The following SSH1 variants were observed in gnomAD, a reference collection of about 807,000 sequenced individuals.
SSH1 encodes protein phosphatase Slingshot homolog 1.
SSH1 carries 43 observed loss-of-function variants against 79.7 expected under a neutral mutation model. The ratio of observed to expected loss-of-function variants is 0.54; its 90% CI spans 0.42 to 0.70. The LOEUF is 0.70. Ranked by LOEUF, SSH1 falls within the 30% of genes least tolerant of loss-of-function variation. The pLI is 0.00. For missense variants in SSH1, 1,206 were observed against 1,358.8 expected, an observed-to-expected ratio of 0.89 and a Z score of 1.77; for synonymous variants, 599 against 538.3, an observed-to-expected ratio of 1.11 and a Z score of -1.56.
intron 2 of SSH1, chr12:108,833,827 C>T (rs2038531858): frequency 6.6e-6 from 1 of 152,224 alleles, no homozygotes. Context: ...GTTTAATTAG[C>T]TACATGAGGC....
intron 2 of SSH1, among the ~76,000 whole-genome samples, chr12:108,843,264 G>A (rs2038821264): frequency 6.6e-6 from 1 of 152,112 alleles, no homozygotes; most frequent in Non-Finnish European, 1.5e-5. Flanking sequence ...CGGAGGCAAC[G>A]GTGGGAAGAA....
chr12:108,810,436 C>G (rs565948315), intron 6 of SSH1, among the ~76,000 whole-genome samples: 50 of 152,016 alleles, frequency 3.3e-4, no homozygotes, highest in Non-Finnish European at 6.2e-4. Flanking sequence ...GCAGGAGAAT[C>G]ACTTGAACCC....
chr12:108,793,980 A>C (rs1315428917), intron 13 of SSH1, among the ~76,000 whole-genome samples: 1 of 152,206 alleles, frequency 6.6e-6, no homozygotes, highest in African/African-American at 2.4e-5. Flanking sequence ...TGGCAGGCTC[A>C]GGGAGAGGTC....
intron 2 of SSH1, among the ~76,000 whole-genome samples, chr12:108,829,511 G>A (rs1437014418): frequency 6.6e-6 from 1 of 152,318 alleles, no homozygotes; most frequent in South Asian, 2.1e-4. Context: ...CACAGGGTAA[G>A]CCAAGCCAGC....
At position 108,788,397 on chromosome 12, in the gene SSH1, T is replaced by C. The variant is rs1215687851; in HGVS notation, c.2741A>G (p.Asp914Gly). The C allele has an allele frequency of 4.3e-6, 7 of 1,611,088 alleles. No individual in the cohort carries two copies. In the Admixed American group the frequency reaches 1.2e-4, roughly 27 times the overall value. ...GGTGTAGCAGATGGTCTTCAGAAAG[T>C]CTTTTGAGAAACTACTGGTGTGGTC... ...RLDHTSSFSK[D>G]FLKTICYTPT... is the part of the protein sequence containing the mutation. The change falls in exon 15 of 15, where the codon GAC (aspartate) becomes GGC (glycine). Residue 914 changes from aspartate to glycine, a missense_variant. Around this residue, in one of 5 missense-constraint regions of SSH1, gnomAD observed 709 missense variants for 730.6 expected, o/e 0.97. Coordinates refer to ENST00000326495, the MANE Select transcript of SSH1 (RefSeq NM_018984.4).
chr12:108,839,861 CTGG>C (rs1250207759), intron 2 of SSH1, among the ~76,000 whole-genome samples: 4 of 152,200 alleles, frequency 2.6e-5, no homozygotes, highest in African/African-American at 9.6e-5. Context: ...GCAGGAAGGG[CTGG>C]CACTGAAAAT....
intron 14 of SSH1, among the ~76,000 whole-genome samples, chr12:108,791,177 T>G (rs763138404): frequency 2.6e-5 from 4 of 152,224 alleles, no homozygotes; most frequent in African/African-American, 9.6e-5. Context: ...TGGCACGAAC[T>G]TGACTCACTG....
chr12:108,813,906 C>T (rs1344527362), intron 5 of SSH1, among the ~76,000 whole-genome samples: 1 of 151,990 alleles, frequency 6.6e-6, no homozygotes, highest in Non-Finnish European at 1.5e-5. Context: ...CTCTGGTCTT[C>T]CCAGGATGCG....
rs748637885 is a variant in SSH1, at chr12:108,811,239, C to CT, written c.470+20dup. The CT allele has an allele frequency of 1.9e-6, 3 of 1,613,026 alleles. No individual in the cohort carries two copies. In the African/African-American group the frequency reaches 4.0e-5, roughly 22 times the overall value. ...TGCCTACTACATACAGTGAGAGAAT[C>CT]TTTTAAAGAGACCTCCTTACCCATC... On this transcript the variant is annotated intron_variant, in intron 6 of 14. Transcript: ENST00000326495.
chr12:108,838,249 C>T (rs140419453), intron 2 of SSH1, among the ~76,000 whole-genome samples: 36 of 152,278 alleles, frequency 2.4e-4, no homozygotes, highest in African/African-American at 8.7e-4. Context: ...CATAGTTTTA[C>T]CCTCACCAAG....
intron 6 of SSH1, 144 bp downstream of exon 6, chr12:108,811,116 G>A (rs1037140716): frequency 7.7e-6 from 6 of 782,054 alleles, no homozygotes; most frequent in South Asian, 2.9e-5. Flanking sequence ...CCTCTCACTC[G>A]AGGGCAATAT....
rs1456576925 is a variant in SSH1 at position 108,781,487 on chromosome 12, A to G, written c.*6501T>C. 6.6e-6 allele frequency: 1 copy of G among 152,240 alleles called. No individual in the cohort carries two copies. The highest frequency in any genetic ancestry group is 1.5e-5 in the Non-Finnish European group (1 of 68,050). The allele number at this position is 152,240 out of a possible 1,614,324, so 9.4% of individuals were successfully genotyped here. On this transcript the variant is annotated 3_prime_UTR_variant, in exon 15 of 15. Transcript: ENST00000326495. ...GCTTGATGATTATAATTCTTTTGGT[A>G]AAGTAATAAACTTGCATTCTGGTTT...
intron 2 of SSH1, among the ~76,000 whole-genome samples, chr12:108,833,354 G>C (rs994091624): frequency 6.6e-6 from 1 of 152,178 alleles, no homozygotes; most frequent in Non-Finnish European, 1.5e-5. Flanking sequence ...AGGCTGCACT[G>C]TGCGGGAAAT....
rs1565971544 is a variant in SSH1 at position 108,792,824 on chromosome 12, T to C, written c.1355A>G (p.Gln452Arg). Residue 452 changes from glutamine to arginine, a missense_variant, in exon 14 of 15, where the codon CAG (glutamine) becomes CGG (arginine). By Grantham distance (43) the Gln-to-Arg change is conservative. Transcript: ENST00000326495. ...CTGACGCCACAGCTTGTTGTGCCGC[T>C]GTTTGCTGCGGGGAGAGAGGGTAGA... ...EYEGILDASK[Q>R]RHNKLWRQQT... 1 of 1,613,472 alleles carries C rather than the reference T, an allele frequency of 6.2e-7. No homozygotes were observed. The highest frequency in any genetic ancestry group is 8.5e-7 in the Non-Finnish European group (1 of 1,180,020).
chr12:108,834,900 C>T (rs1243077744), intron 2 of SSH1, among the ~76,000 whole-genome samples: 1 of 152,192 alleles, frequency 6.6e-6, no homozygotes, highest in African/African-American at 2.4e-5. Context: ...AGTCAGTATT[C>T]CAGGAGTAAC....
intron 13 of SSH1, among the ~76,000 whole-genome samples, chr12:108,798,105 C>T (rs910549489): frequency 2.6e-5 from 4 of 152,252 alleles, no homozygotes; most frequent in East Asian, 1.9e-4. Context: ...TTCCTCCACT[C>T]GCTCACCCCA....
intron 5 of SSH1, among the ~76,000 whole-genome samples, chr12:108,814,223 T>C (rs2137132888): frequency 6.6e-6 from 1 of 152,048 alleles, no homozygotes; most frequent in East Asian, 1.9e-4. Flanking sequence ...GACCCCATCT[T>C]AAAAACAAAA....
At chr12:108,827,172 A>G (rs2038342475) in intron 2 of SSH1, 1 of 1,331,742 alleles carries the variant, frequency 7.5e-7, no homozygotes, top group African/African-American at 1.5e-5. Context: ...ATGCTCCTCA[A>G]AAAACCCCAG....
intron 11 of SSH1, among the ~76,000 whole-genome samples, chr12:108,801,834 T>C (rs2037023313): frequency 6.6e-6 from 1 of 151,648 alleles, no homozygotes; most frequent in African/African-American, 2.4e-5. Context: ...ACGACAGGCA[T>C]ATGCTTCTGG....
Sources: allele counts gnomAD v4.1 joint callset (sites outside exome capture counted in the v4.1 genomes callset), GRCh38; gene constraint gnomAD v4.1.1; regional missense constraint gnomAD v4.1.1; transcripts MANE v1.5; gene names NCBI Gene and HGNC (gene_info 2026-07-23, HGNC 2026-07-21).